The following SP3 variants were observed in gnomAD, a reference collection of about 807,000 sequenced individuals.
SP3 encodes the protein transcription factor Sp3.
Under a neutral mutation model 70.3 loss-of-function variants are expected in SP3, and 10 were observed. That is an observed-to-expected ratio of 0.14 (90% CI 0.09 to 0.24). The LOEUF (loss-of-function observed/expected upper bound fraction) is 0.24. Ranked by LOEUF, SP3 falls within the 10% of genes least tolerant of loss-of-function variation. The probability of loss-of-function intolerance (pLI) is 1.00; values close to 1 mark genes in which losing one functional copy is unlikely to be tolerated. For missense variants in SP3, 825 were observed against 914.6 expected, an observed-to-expected ratio of 0.90 and a Z score of 1.26; for synonymous variants, 402 against 333.5, an observed-to-expected ratio of 1.21 and a Z score of -2.24.
intron 1 of SP3, 121 bp downstream of exon 1, chr2:173,965,044 C>T: frequency 3.0e-6 from 4 of 1,351,612 alleles, no homozygotes; most frequent in South Asian, 1.3e-5. Flanking sequence ...CTTTCTGCCT[C>T]TCACAGACAC....
chr2:173,965,206 C>CGAAGG lies in SP3; in HGVS notation c.-36_-35insCCTTC. 6.5e-7 allele frequency: 1 copy of CGAAGG among 1,544,906 alleles called. No individual in the cohort carries two copies. The highest frequency in any genetic ancestry group is 8.7e-7 in the Non-Finnish European group (1 of 1,144,380). Reference sequence around the variant, plus strand: ...AGGGCACCTCAGGCGGGGCTCCCCGCCGCCTTACACATGGTGAGGAGCGAA... The same window carrying CGAAGG: ...AGGGCACCTCAGGCGGGGCTCCCCGCGAAGGCGCCTTACACATGGTGAGGAGCGAA... On this transcript the variant is annotated 5_prime_UTR_variant, in exon 1 of 7. The change abolishes the stop of an existing upstream ORF in the 5' untranslated region. Coordinates refer to ENST00000310015, the MANE Select transcript of SP3 (RefSeq NM_003111.5).
Position 173,909,871 on chromosome 2 carries a change from G to C in SP3, c.*70C>G. ...TGCACATCAATAAAAAGATATCTAAGAACTTAGGAACAATATTCTTCTCAC... is the reference window on the plus strand; with the variant it reads ...TGCACATCAATAAAAAGATATCTAACAACTTAGGAACAATATTCTTCTCAC... On this transcript the variant is annotated 3_prime_UTR_variant, in exon 7 of 7. Transcript: ENST00000310015. The C allele has an allele frequency of 1.4e-6, 2 of 1,479,242 alleles. No individual in the cohort carries two copies. The highest frequency in any genetic ancestry group is 4.2e-5 in the Admixed American group (2 of 47,080). 91.6% of individuals were successfully genotyped at this position (1,479,242 alleles called of 1,614,324 possible).
At chr2:173,925,214 G>A (rs1198563100) in intron 4 of SP3, among the ~76,000 whole-genome samples, 1 of 152,224 alleles carries the variant, frequency 6.6e-6, no homozygotes, top group Admixed American at 6.5e-5. Context: ...GCTATTATAT[G>A]TGAAATATTC....
chr2:173,921,279 A>G (rs926377382), intron 4 of SP3, among the ~76,000 whole-genome samples: 1 of 152,190 alleles, frequency 6.6e-6, no homozygotes, highest in Non-Finnish European at 1.5e-5. Flanking sequence ...TGTCCCACAA[A>G]TTAAATTCAT....
At chr2:173,963,918 G>C in intron 2 of SP3, 35 bp from the exon 3 acceptor site, 1 of 1,403,516 alleles carries the variant, frequency 7.1e-7, no homozygotes, top group Non-Finnish European at 9.4e-7. Flanking sequence ...GAGGGAGACA[G>C]GGGGAGGGGG....
chr2:173,909,015 T>C lies in SP3; in HGVS notation c.*926A>G, dbSNP rs1018207820. 11 of 152,626 alleles carry C rather than the reference T, an allele frequency of 7.2e-5. No individual in the cohort carries two copies. Among genetic ancestry groups the C allele is most frequent in the South Asian group, 2.1e-4 (1 of 4,832 alleles). The allele number at this position is 152,626 out of a possible 1,614,324, so 9.5% of individuals were successfully genotyped here. A position where few individuals can be genotyped will look rare whatever the true frequency, so the allele number is the denominator to read the frequency against. On this transcript the variant is annotated 3_prime_UTR_variant, in exon 7 of 7. Coordinates refer to ENST00000310015, the MANE Select transcript of SP3 (RefSeq NM_003111.5). ...CACTATGGAAGTGATTTTGTTATGTTTGCATATGTTACACTTTACTGGTAA... is the reference window on the plus strand; with the variant it reads ...CACTATGGAAGTGATTTTGTTATGTCTGCATATGTTACACTTTACTGGTAA...
intron 4 of SP3, among the ~76,000 whole-genome samples, chr2:173,926,998 G>T (rs898945772): frequency 1.3e-5 from 2 of 152,110 alleles, no homozygotes; most frequent in Admixed American, 1.3e-4. Context: ...TGCTTCTGGG[G>T]AGGCCTCAGG....
chr2:173,903,746 G>A lies in SP3; in HGVS notation c.*6195C>T, dbSNP rs185917065. The stretch of plus-strand genomic sequence containing the variant: ...ATAAAGATACAGCCATCTGTTAAGA[G>A]GGCGTCCTGAAACTGTAGAGGGACT... On this transcript the variant is annotated 3_prime_UTR_variant, in exon 7 of 7. Coordinates refer to ENST00000310015, the MANE Select transcript of SP3 (RefSeq NM_003111.5). Among the ~76,000 whole-genome samples the A allele has an allele frequency of 1.6e-3, 246 of 152,246 alleles. No homozygotes were observed. The highest frequency in any genetic ancestry group is 0.01 in the Middle Eastern group (3 of 294).
chr2:173,941,661 G>C (rs1007905684), intron 4 of SP3, among the ~76,000 whole-genome samples: 1 of 152,102 alleles, frequency 6.6e-6, no homozygotes, highest in Non-Finnish European at 1.5e-5. Context: ...TACACACTTG[G>C]CTTCCAGAAT....
At chr2:173,913,306 A>C in intron 5 of SP3, 40 bp from the exon 6 acceptor site, 3 of 1,348,872 alleles carry the variant, frequency 2.2e-6, no homozygotes, top group Non-Finnish European at 2.0e-6. Context: ...TTATATGAAA[A>C]TATTCAAATG....
At chr2:173,964,332 A>C in intron 2 of SP3, 73 bp downstream of exon 2, 1 of 525,212 alleles carries the variant, frequency 1.9e-6, no homozygotes, top group Non-Finnish European at 3.4e-6. Flanking sequence ...TGAGGCGAGG[A>C]GGGAGGGGAG....
At chr2:173,943,412 T>C (rs1213291754) in intron 4 of SP3, among the ~76,000 whole-genome samples, 1 of 152,224 alleles carries the variant, frequency 6.6e-6, no homozygotes, top group African/African-American at 2.4e-5. Context: ...TTTCATTTTC[T>C]CATAAGGCGG....
chr2:173,922,484 G>C (rs1689782923), intron 4 of SP3, among the ~76,000 whole-genome samples: 1 of 151,862 alleles, frequency 6.6e-6, no homozygotes, highest in Non-Finnish European at 1.5e-5. Context: ...TTGGAGTTCA[G>C]GTAGAAATCT....
intron 3 of SP3, chr2:173,963,491 T>C (rs1417341437): frequency 6.5e-6 from 1 of 153,600 alleles, no homozygotes; most frequent in Non-Finnish European, 1.4e-5. Flanking sequence ...TGCTCAAACA[T>C]CCATTTTGGA....
At chr2:173,961,424 T>C (rs968971308) in intron 3 of SP3, among the ~76,000 whole-genome samples, 6 of 152,190 alleles carry the variant, frequency 3.9e-5, no homozygotes, top group Admixed American at 3.9e-4. Flanking sequence ...TCCACTTGTT[T>C]AAACACAACA....
intron 4 of SP3, among the ~76,000 whole-genome samples, chr2:173,943,879 G>A (rs1360603531): frequency 6.6e-6 from 1 of 152,094 alleles, no homozygotes; most frequent in Non-Finnish European, 1.5e-5. Context: ...CAAACCTAGT[G>A]GTATAGTCTA....
intron 1 of SP3, chr2:173,964,865 C>G (rs908871038): frequency 1.4e-5 from 7 of 495,378 alleles, no homozygotes; most frequent in Non-Finnish European, 2.1e-5. Context: ...GCTCGCTCCT[C>G]TCGCACCGTC....
rs909334249 is a variant in SP3 at position 173,903,105 on chromosome 2, T to C, written c.*6836A>G. Among the ~76,000 whole-genome samples, 6 of 152,220 alleles carry C rather than the reference T, an allele frequency of 3.9e-5. No homozygotes were observed. The highest frequency in any genetic ancestry group is 3.9e-4 in the Admixed American group (6 of 15,288). On this transcript the variant is annotated 3_prime_UTR_variant, in exon 7 of 7. Coordinates refer to ENST00000310015, the MANE Select transcript of SP3 (RefSeq NM_003111.5). Reference sequence around the variant, plus strand: ...TGACAATTAGGTGGATCAAGGTGACTTAACAAGGTGAATTAACTCATTAAT... The same window carrying C: ...TGACAATTAGGTGGATCAAGGTGACCTAACAAGGTGAATTAACTCATTAAT...
rs1026206972 is a variant in SP3, at chr2:173,919,373, T to C, written c.1640-588A>G. Among the ~76,000 whole-genome samples the C allele has an allele frequency of 3.9e-5, 6 of 152,208 alleles. No individual in the cohort carries two copies. In the South Asian group the frequency reaches 6.2e-4, roughly 16 times the overall value. On this transcript the variant is annotated intron_variant, in intron 4 of 6. Transcript: ENST00000310015. ...TAATGTAGTAAGCCCTAAATAATTC[T>C]CCTTTGCATACCAACTTAATACAGA...
Sources: gnomAD v4.1 joint callset for allele counts (sites outside exome capture counted in the v4.1 genomes callset) on GRCh38, gnomAD v4.1.1 for gene constraint, MANE v1.5 for transcripts, NCBI Gene and HGNC (gene_info 2026-07-23, HGNC 2026-07-21) for gene names.